PCDHA2: variants seen among roughly 807,000 people sequenced by gnomAD.
The protein encoded by PCDHA2 is protocadherin alpha-2.
A neutral mutation model predicts 66.0 loss-of-function variants in PCDHA2; 58 were observed. The observed-to-expected ratio is 0.88, with a 90% confidence interval of 0.71 to 1.09. The LOEUF (loss-of-function observed/expected upper bound fraction) is 1.09. Among genes scored for constraint, PCDHA2 ranks in the 50% least tolerant of loss-of-function variants. PCDHA2 has a pLI of 0.00. For synonymous variants in PCDHA2, 634 were observed against 554.0 expected (o/e 1.14, Z -2.03); for missense variants, 1,267 against 1,242.3 (o/e 1.02, Z -0.30).
intron 1 of PCDHA2, chr5:140,883,164 A>G (rs559249411): frequency 1.2e-6 from 2 of 1,614,060 alleles, no homozygotes; most frequent in African/African-American, 1.3e-5. Context: ...AATCCGAACA[A>G]TGGAGAAATT....
intron 3 of PCDHA2, among the ~76,000 whole-genome samples, chr5:141,003,132 C>G (rs1391034413): frequency 6.6e-6 from 1 of 152,208 alleles, no homozygotes; most frequent in African/African-American, 2.4e-5. Flanking sequence ...CTGGCATTTG[C>G]CTTGGCAAAG....
At chr5:140,983,165 T>A (rs947834633) in intron 3 of PCDHA2, among the ~76,000 whole-genome samples, 14 of 152,220 alleles carry the variant, frequency 9.2e-5, no homozygotes, top group Admixed American at 4.6e-4. Context: ...TTGCCAAACA[T>A]GACCGCCTCA....
At chr5:140,843,104 C>G (rs1327692669) in intron 1 of PCDHA2, 6 of 1,595,598 alleles carry the variant, frequency 3.8e-6, no homozygotes, top group Non-Finnish European at 4.3e-6. Context: ...AGCGAAGGTG[C>G]GCGCAGTGGA....
intron 1 of PCDHA2, chr5:140,802,957 C>T (rs368124157): frequency 6.2e-7 from 1 of 1,613,882 alleles, no homozygotes; most frequent in Non-Finnish European, 8.5e-7. Flanking sequence ...TCAGTGGGTG[C>T]GGGCCACGTG....
intron 1 of PCDHA2, chr5:140,841,911 G>T: frequency 1.2e-6 from 2 of 1,613,886 alleles, no homozygotes; most frequent in Non-Finnish European, 1.7e-6. Context: ...CTCGTATTAA[G>T]AAAATCCTTG....
chr5:140,882,853 A>G lies in PCDHA2; in HGVS notation c.2388+85501A>G, dbSNP rs782160647. On this transcript the variant is annotated intron_variant, in intron 1 of 3. Transcript: ENST00000526136. ...AGCAAATGTCTTCATTATCACTTGTACTGAGGAAAACACTGGACAGAGAGG... is the reference window on the plus strand; with the variant it reads ...AGCAAATGTCTTCATTATCACTTGTGCTGAGGAAAACACTGGACAGAGAGG... 1.9e-6 allele frequency: 3 copies of G among 1,614,218 alleles called. No individual in the cohort carries two copies. The Admixed American group carries it at 5.0e-5, about 27-fold the overall frequency.
chr5:140,941,211 CTTCCTTTCTTTCTTTCTTTCTTT>C (rs2092859339), intron 1 of PCDHA2, among the ~76,000 whole-genome samples: 20 of 129,726 alleles, frequency 1.5e-4, no homozygotes, highest in Admixed American at 7.8e-4. Flanking sequence ...TCCTTTCTTT[CTTCCTTTCTTTCTTTCTTTCTTT>C]CTTTCTTTCT....
intron 1 of PCDHA2, chr5:140,808,669 G>T: frequency 1.2e-6 from 2 of 1,612,884 alleles, no homozygotes; most frequent in Non-Finnish European, 1.7e-6. Context: ...CCTACTCGCT[G>T]GTAGAGCGGC....
chr5:140,808,150 G>A, intron 1 of PCDHA2: 2 of 1,614,124 alleles, frequency 1.2e-6, no homozygotes, highest in Non-Finnish European at 1.7e-6. Flanking sequence ...TTATTGTAGA[G>A]GGCATTGATA....
At chr5:140,854,589 AG>A (rs1479719574) in intron 1 of PCDHA2, 1 of 150,000 alleles carries the variant, frequency 6.7e-6, no homozygotes, top group African/African-American at 2.4e-5. Flanking sequence ...TAATAAAAAA[AG>A]TTTAAAGTAA....
Position 141,011,329 on chromosome 5 carries a change from T to G in PCDHA2, c.*1392T>G, listed in dbSNP as rs924246191. 6.5e-6 allele frequency: 1 copy of G among 153,804 alleles called. No homozygotes were observed. Among genetic ancestry groups the G allele is most frequent in the African/African-American group, 2.4e-5 (1 of 41,472 alleles). 9.5% of individuals were successfully genotyped at this position (153,804 alleles called of 1,614,324 possible). ...TTGCTAATCTTACTAACACCTATGA[T>G]GTTACCTGAAATCAATCTCCCATAT... is the stretch of plus-strand genomic sequence containing the variant. On this transcript the variant is annotated 3_prime_UTR_variant, in exon 4 of 4. Coordinates refer to ENST00000526136, the MANE Select transcript of PCDHA2 (RefSeq NM_018905.3).
chr5:140,885,160 CTTTT>C (rs370486132), intron 1 of PCDHA2, among the ~76,000 whole-genome samples: 314 of 152,080 alleles, frequency 2.1e-3, no homozygotes, highest in African/African-American at 7.4e-3. Context: ...ATTGTCTCTA[CTTTT>C]TTGTCCTCTA....
At chr5:140,955,684 G>A (rs1231376434) in intron 1 of PCDHA2, among the ~76,000 whole-genome samples, 2 of 152,156 alleles carry the variant, frequency 1.3e-5, no homozygotes, top group African/African-American at 4.8e-5. Flanking sequence ...TTCGAAATCT[G>A]TGATGAATGT....
In PCDHA2 at chr5:140,868,769, A is replaced by G. The variant is rs144958028; in HGVS notation, c.2388+71417A>G. 95 of 255,700 alleles carry G rather than the reference A, an allele frequency of 3.7e-4. No individual in the cohort carries two copies. In the Middle Eastern group the frequency reaches 9.0e-3, roughly 24 times the overall value. 15.8% of individuals were successfully genotyped at this position (255,700 alleles called of 1,614,324 possible). On this transcript the variant is annotated intron_variant, in intron 1 of 3. Coordinates refer to ENST00000526136, the MANE Select transcript of PCDHA2 (RefSeq NM_018905.3). ...CCATTTCCATATATATTTAGTTTCA[A>G]TATGACTTATAATCTGAATATTCCA... is the stretch of plus-strand genomic sequence containing the variant.
At chr5:140,875,878 A>C (rs782804026) in intron 1 of PCDHA2, 2 of 1,614,212 alleles carry the variant, frequency 1.2e-6, no homozygotes, top group East Asian at 4.5e-5. Context: ...GTTCAGAGAA[A>C]GGGAACAAAA....
chr5:140,858,302 A>T, intron 1 of PCDHA2: 1 of 1,597,158 alleles, frequency 6.3e-7, no homozygotes, highest in South Asian at 1.1e-5. Context: ...CTCGCAGCAG[A>T]GGCGGCAGAG....
At chr5:140,856,715 G>A (rs1233191211) in intron 1 of PCDHA2, 4 of 1,596,328 alleles carry the variant, frequency 2.5e-6, no homozygotes, top group Admixed American at 1.7e-5. Context: ...TGAATTTACC[G>A]GATCTGTTTC....
rs1443735818 is a variant in PCDHA2, at chr5:140,849,722, G to A, written c.2388+52370G>A. The A allele has an allele frequency of 7.5e-6, 12 of 1,598,448 alleles. 1 individual carries two copies. The highest frequency in any genetic ancestry group is 9.4e-6 in the Non-Finnish European group (11 of 1,167,996). On this transcript the variant is annotated intron_variant, in intron 1 of 3. Coordinates refer to ENST00000526136, the MANE Select transcript of PCDHA2 (RefSeq NM_018905.3). ...ACAAGAATTACTACTCGTTGGTGCT[G>A]GACAGAGCTCTGGACCGCGAGAGTG...
chr5:141,006,157 A>G (rs2098258108), intron 3 of PCDHA2, among the ~76,000 whole-genome samples: 1 of 150,182 alleles, frequency 6.7e-6, no homozygotes, highest in Non-Finnish European at 1.5e-5. Context: ...GGAGTGATAT[A>G]ATCTGATTTA....
Sources: allele counts gnomAD v4.1 joint callset (sites outside exome capture counted in the v4.1 genomes callset), GRCh38; gene constraint gnomAD v4.1.1; transcripts MANE v1.5; gene names NCBI Gene and HGNC (gene_info 2026-07-23, HGNC 2026-07-21).